Variants in MAP2K1 observed in about 807,000 individuals in gnomAD.
The protein encoded by MAP2K1 is mitogen-activated protein kinase kinase 1.
In MAP2K1, 16 loss-of-function variants were observed where a neutral mutation model predicts 46.3. The ratio of observed to expected loss-of-function variants is 0.35; its 90% CI spans 0.23 to 0.52. The LOEUF (loss-of-function observed/expected upper bound fraction) is 0.52. MAP2K1 is among the 20% of genes least tolerant of loss of function. The pLI, the probability that MAP2K1 is intolerant of heterozygous loss-of-function variation, is 0.94. For missense variants in MAP2K1, 263 were observed against 497.1 expected, an observed-to-expected ratio of 0.53 and a Z score of 4.48; for synonymous variants, 183 against 185.6, an observed-to-expected ratio of 0.99 and a Z score of 0.11.
chr15:66,473,172 T>C (rs1395077375), intron 5 of MAP2K1, among the ~76,000 whole-genome samples: 3 of 152,232 alleles, frequency 2.0e-5, no homozygotes, highest in Non-Finnish European at 4.4e-5. Context: ...GGAAATATGC[T>C]GTTTTAATGT....
chr15:66,438,388 A>T (rs1432099796), intron 3 of MAP2K1, among the ~76,000 whole-genome samples: 1 of 152,080 alleles, frequency 6.6e-6, no homozygotes, highest in Non-Finnish European at 1.5e-5. Flanking sequence ...TGCCCAACCA[A>T]TCTTTTTATT....
intron 6 of MAP2K1, among the ~76,000 whole-genome samples, chr15:66,482,640 G>T (rs560293326): frequency 6.6e-6 from 1 of 152,316 alleles, no homozygotes; most frequent in African/African-American, 2.4e-5. Context: ...GTTCCTTGGG[G>T]ACAGGGACAA....
chr15:66,464,095 C>T (rs1892399788), intron 5 of MAP2K1, among the ~76,000 whole-genome samples: 1 of 152,204 alleles, frequency 6.6e-6, no homozygotes, highest in Non-Finnish European at 1.5e-5. Context: ...TTTTCTTTCA[C>T]ATTTCCCCCC....
rs1187574070 is a variant in MAP2K1, at chr15:66,444,258, G to T, written c.517-398G>T. On this transcript the variant is annotated intron_variant, in intron 4 of 10. Transcript: ENST00000307102. ...TGTCTCAGAAAAAAAAAAAGCCCAG[G>T]CACGGTGGCTTACACCTGTAATCCC... 2.7e-5 allele frequency among the ~76,000 whole-genome samples: 4 copies of T among 150,596 alleles called. No homozygotes were observed. The East Asian group carries it at 7.8e-4, about 29-fold the overall frequency.
chr15:66,388,801 A>T (rs2093349470), intron 1 of MAP2K1, among the ~76,000 whole-genome samples: 1 of 151,836 alleles, frequency 6.6e-6, no homozygotes, highest in Non-Finnish European at 1.5e-5. Flanking sequence ...TGCTCCCAAC[A>T]GACTCTCTTC....
intron 1 of MAP2K1, chr15:66,401,997 C>T: frequency 7.5e-7 from 1 of 1,337,432 alleles, no homozygotes; most frequent in Non-Finnish European, 9.8e-7. Context: ...TGAAAAATCA[C>T]ATGCAAATTT....
chr15:66,444,930 A>G, intron 5 of MAP2K1: 1 of 547,088 alleles, frequency 1.8e-6, no homozygotes, highest in Non-Finnish European at 3.3e-6. Context: ...GACAATAGTC[A>G]TAGTCACCCT....
At chr15:66,403,393 C>G (rs1288294823) in intron 1 of MAP2K1, among the ~76,000 whole-genome samples, 2 of 152,074 alleles carry the variant, frequency 1.3e-5, no homozygotes, top group Non-Finnish European at 2.9e-5. Flanking sequence ...GGGGCTGGGA[C>G]AGGGAGGAAA....
At chr15:66,444,224 G>C (rs1436684784) in intron 4 of MAP2K1, among the ~76,000 whole-genome samples, 2 of 147,048 alleles carry the variant, frequency 1.4e-5, no homozygotes, top group Non-Finnish European at 3.0e-5. Flanking sequence ...GGCAACAAGA[G>C]CAAAACTCTG....
chr15:66,465,540 A>C (rs1339957692), intron 5 of MAP2K1, among the ~76,000 whole-genome samples: 1 of 152,212 alleles, frequency 6.6e-6, no homozygotes, highest in Non-Finnish European at 1.5e-5. Flanking sequence ...GTGTGGCACC[A>C]GGCTGTCTGC....
At chr15:66,461,486 AAATAAAT>A (rs1445952396) in intron 5 of MAP2K1, among the ~76,000 whole-genome samples, 1 of 148,962 alleles carries the variant, frequency 6.7e-6, no homozygotes, top group Non-Finnish European at 1.5e-5. Context: ...CTAAATAAAT[AAATAAAT>A]AAATAAATAA....
chr15:66,389,398 C>G (rs1337726330), intron 1 of MAP2K1, among the ~76,000 whole-genome samples: 1 of 152,066 alleles, frequency 6.6e-6, no homozygotes, highest in East Asian at 1.9e-4. Flanking sequence ...CGTGATACCA[C>G]AACTGTATTC....
intron 5 of MAP2K1, among the ~76,000 whole-genome samples, chr15:66,470,094 G>GTTTTTTTTTTTTTTT (rs55637393): frequency 1.3e-5 from 1 of 76,602 alleles, no homozygotes; most frequent in African/African-American, 4.8e-5. Flanking sequence ...TTTTTTTCTT[G>GTTTTTTTTTTTTTTT]TTTTTTTTTT....
chr15:66,445,606 T>C (rs1891849059), intron 5 of MAP2K1, among the ~76,000 whole-genome samples: 1 of 152,154 alleles, frequency 6.6e-6, no homozygotes, highest in South Asian at 2.1e-4. Context: ...GAGAAACAAA[T>C]TGTAGTATAT....
intron 1 of MAP2K1, among the ~76,000 whole-genome samples, chr15:66,430,584 C>T (rs1023303406): frequency 6.6e-6 from 1 of 152,138 alleles, no homozygotes; most frequent in African/African-American, 2.4e-5. Flanking sequence ...CAGTGTGGGG[C>T]CTAGAAAGGA....
At chr15:66,461,341 C>T (rs1051213853) in intron 5 of MAP2K1, among the ~76,000 whole-genome samples, 2 of 151,830 alleles carry the variant, frequency 1.3e-5, no homozygotes, top group East Asian at 1.9e-4. Flanking sequence ...AAAAATTAGC[C>T]GGGTGTGGTG....
At chr15:66,415,514 C>A (rs1280529968) in intron 1 of MAP2K1, among the ~76,000 whole-genome samples, 1 of 152,198 alleles carries the variant, frequency 6.6e-6, no homozygotes, top group African/African-American at 2.4e-5. Flanking sequence ...CTCCCTCCCC[C>A]CATATCCAGA....
chr15:66,458,579 C>T (rs1892232473), intron 5 of MAP2K1, among the ~76,000 whole-genome samples: 1 of 152,174 alleles, frequency 6.6e-6, no homozygotes, highest in Non-Finnish European at 1.5e-5. Flanking sequence ...TGTGGTGGTG[C>T]GATCATGGCT....
At chr15:66,392,851 C>T (rs1314705744) in intron 1 of MAP2K1, among the ~76,000 whole-genome samples, 1 of 152,142 alleles carries the variant, frequency 6.6e-6, no homozygotes, top group Admixed American at 6.5e-5. Flanking sequence ...CCATGCCTGG[C>T]CTTAGTTTCT....
Sources: gnomAD v4.1 joint callset for allele counts (sites outside exome capture counted in the v4.1 genomes callset) on GRCh38, gnomAD v4.1.1 for gene constraint, MANE v1.5 for transcripts, NCBI Gene and HGNC (gene_info 2026-07-23, HGNC 2026-07-21) for gene names.